ACOT7: variants seen among roughly 807,000 people sequenced by gnomAD.
ACOT7 encodes cytosolic acyl coenzyme A thioester hydrolase.
ACOT7 carries 12 observed loss-of-function variants against 40.2 expected under a neutral mutation model. The ratio of observed to expected loss-of-function variants is 0.30; its 90% CI spans 0.19 to 0.48. ACOT7 has a LOEUF of 0.48. ACOT7 is among the 20% of genes least tolerant of loss of function. The pLI, the probability that ACOT7 is intolerant of heterozygous loss-of-function variation, is 0.99. For synonymous variants in ACOT7, 228 were observed against 219.5 expected (o/e 1.04, Z -0.34); for missense variants, 395 against 530.8 (o/e 0.74, Z 2.51).
At position 6,349,675 on chromosome 1, in the gene ACOT7, C is replaced by T. The variant is rs533641045; in HGVS notation, c.261+74G>A. On this transcript the variant is annotated intron_variant, in intron 2 of 8. Transcript: ENST00000361521. ...GGAGGGAAGGCTGCAGGCCTGGCTC[C>T]CCGGGGAACTCCTGTCCTGAACTCA... The T allele has an allele frequency of 4.2e-6, 6 of 1,439,184 alleles. No homozygotes were observed. The Admixed American group carries it at 5.9e-5, about 14-fold the overall frequency. 89.2% of individuals were successfully genotyped at this position (1,439,184 alleles called of 1,614,324 possible).
chr1:6,298,068 C>T (rs927652632), intron 6 of ACOT7, among the ~76,000 whole-genome samples: 3 of 152,192 alleles, frequency 2.0e-5, no homozygotes, highest in Admixed American at 6.5e-5. Flanking sequence ...GCTGCACTTT[C>T]GCCTGTCCTT....
At chr1:6,305,440 C>G (rs889754774) in intron 6 of ACOT7, among the ~76,000 whole-genome samples, 37 of 151,476 alleles carry the variant, frequency 2.4e-4, no homozygotes, top group African/African-American at 9.0e-4. Context: ...GACGGGGTGG[C>G]TGCCGGGTGG....
chr1:6,354,590 G>A lies in ACOT7; in HGVS notation c.144-4724C>T, dbSNP rs541272791. Among the ~76,000 whole-genome samples, 54 of 152,186 alleles carry A rather than the reference G, an allele frequency of 3.5e-4. No individual in the cohort carries two copies. The South Asian group carries it at 5.6e-3, about 16-fold the overall frequency. On this transcript the variant is annotated intron_variant, in intron 1 of 8. Coordinates refer to ENST00000361521, the MANE Select transcript of ACOT7 (RefSeq NM_007274.4). ...ACCACACAATCAGACACTGTTTGGG[G>A]AGGTCACCTCCCATGGCCTCTGCAC...
intron 1 of ACOT7, chr1:6,385,833 C>G (rs960060839): frequency 3.5e-6 from 5 of 1,411,442 alleles, no homozygotes; most frequent in African/African-American, 1.5e-5. Flanking sequence ...CACCAGCCCC[C>G]GGCAAGCCGC....
At chr1:6,315,517 C>CGAGGCGGGCAGATCACG (rs1640464644) in intron 6 of ACOT7, among the ~76,000 whole-genome samples, 2 of 151,772 alleles carry the variant, frequency 1.3e-5, no homozygotes. Flanking sequence ...TTTGGGAGGC[C>CGAGGCGGGCAGATCACG]GAGGCGGGCA....
At chr1:6,292,888 TC>T (rs1334593011) in intron 7 of ACOT7, among the ~76,000 whole-genome samples, 15 of 146,618 alleles carry the variant, frequency 1.0e-4, no homozygotes, top group Non-Finnish European at 1.5e-4. Context: ...TATTTCTTTT[TC>T]TTTTTTTTTT....
chr1:6,358,423 C>G lies in ACOT7; in HGVS notation c.144-8557G>C, dbSNP rs1269275077. 1.3e-5 allele frequency among the ~76,000 whole-genome samples: 2 copies of G among 152,224 alleles called. No homozygotes were observed. Among genetic ancestry groups the G allele is most frequent in the African/African-American group, 2.4e-5 (1 of 41,458 alleles). On this transcript the variant is annotated intron_variant, in intron 1 of 8. Transcript: ENST00000361521. This position sits in a 1 kb window ranked among gnomAD's most constrained non-coding sequence, Gnocchi z 4.1. Reference sequence around the variant, plus strand: ...TCCTTGTGCAGCCCACAGACCCCCCCTCCACCGCAGGTAGGAAGCTCAGCA... The same window carrying G: ...TCCTTGTGCAGCCCACAGACCCCCCGTCCACCGCAGGTAGGAAGCTCAGCA...
chr1:6,280,322 G>A (rs986970617), intron 8 of ACOT7, among the ~76,000 whole-genome samples: 1 of 152,228 alleles, frequency 6.6e-6, no homozygotes, highest in African/African-American at 2.4e-5. Context: ...AGCCCCTGGG[G>A]TCAGCCAGGA....
At chr1:6,392,387 A>G (rs2148486589) in intron 1 of ACOT7, among the ~76,000 whole-genome samples, 1 of 152,312 alleles carries the variant, frequency 6.6e-6, no homozygotes, top group Admixed American at 6.5e-5. Flanking sequence ...TAGCTCATGC[A>G]CAAATGCCAG....
chr1:6,304,612 C>T (rs1640071282), intron 6 of ACOT7, among the ~76,000 whole-genome samples: 2 of 134,652 alleles, frequency 1.5e-5, no homozygotes, highest in Admixed American at 1.5e-4. Flanking sequence ...GAGCATGCTG[C>T]CTTCAAGCAT....
At chr1:6,360,550 C>A (rs1270613606) in intron 1 of ACOT7, 1 of 1,613,866 alleles carries the variant, frequency 6.2e-7, no homozygotes, top group African/African-American at 1.3e-5. Context: ...GCCCATAGTT[C>A]CTCTCAGCTC....
Position 6,294,980 on chromosome 1 carries a change from C to T in ACOT7, c.713G>A (p.Gly238Asp), listed in dbSNP as rs1425315420. The T allele has an allele frequency of 4.3e-6, 7 of 1,610,480 alleles. No individual in the cohort carries two copies. The highest frequency in any genetic ancestry group is 1.1e-5 in the South Asian group (1 of 91,014). Residue 238 changes from glycine (G) to aspartate (D), a missense_variant and splice_region_variant, in exon 7 of 9, where the codon GGT becomes GAT. This residue lies in a region of ACOT7 where 309 missense variants were observed against 470.3 expected (regional missense o/e 0.66). Transcript: ENST00000361521. The surrounding 1 kb of genome is among the most constrained non-coding windows in gnomAD (Gnocchi z 4.6). Reference protein sequence around the residue: ...DCTLHGFVHGGVTMKLMDEVA... With the variant: ...DCTLHGFVHGDVTMKLMDEVA... ...CTCATCCATGAGCTTCATGGTCACA[C>T]CTGCGGAGAAAGGGACATGCGGCAG... is the stretch of plus-strand genomic sequence containing the variant.
In ACOT7 at chr1:6,289,654, G is replaced by A. The variant is rs183464734; in HGVS notation, c.829+5210C>T. The stretch of plus-strand genomic sequence containing the variant: ...CTCACAAAGTGTTGGAATTACAAGC[G>A]TGAGCCACTGTGACCAGCCTGCTTT... On this transcript the variant is annotated intron_variant, in intron 7 of 8. Transcript: ENST00000361521. The surrounding 1 kb of genome is among the most constrained non-coding windows in gnomAD (Gnocchi z 4.6). Among the ~76,000 whole-genome samples, 5 of 152,156 alleles carry A rather than the reference G, an allele frequency of 3.3e-5. No homozygotes were observed. Among genetic ancestry groups the A allele is most frequent in the East Asian group, 1.9e-4 (1 of 5,174 alleles).
intron 1 of ACOT7, among the ~76,000 whole-genome samples, chr1:6,354,510 C>T (rs539534927): frequency 3.7e-4 from 57 of 152,356 alleles, no homozygotes; most frequent in Non-Finnish European, 4.1e-4. Flanking sequence ...AGGGCTGAGA[C>T]AAAGTCTGGA....
rs1642566648 is a variant in ACOT7 at position 6,393,318 on chromosome 1, C to T, written c.82G>A (p.Ala28Thr). ...ALLQPPAASA[A>T]AAPSMSGPDV... ...GGGCCCGACATGCTGGGGGCTGCGG[C>T]GGCGGATGCGGCGGGCGGCTGCAGA... is the stretch of plus-strand genomic sequence containing the variant. The change falls in exon 1 of 9, where the codon GCC (alanine) becomes ACC (threonine). Residue 28 changes from alanine to threonine, a missense_variant. Coordinates refer to ENST00000361521, the MANE Select transcript of ACOT7 (RefSeq NM_007274.4). The T allele has an allele frequency of 7.9e-7, 1 of 1,273,100 alleles. No homozygotes were observed. 78.9% of individuals were successfully genotyped at this position (1,273,100 alleles called of 1,614,324 possible).
intron 6 of ACOT7, among the ~76,000 whole-genome samples, chr1:6,313,771 G>A (rs1640408210): frequency 6.6e-6 from 1 of 151,906 alleles, no homozygotes; most frequent in African/African-American, 2.4e-5. Flanking sequence ...CCACGGGGCT[G>A]CCTATCGGCT....
In ACOT7 at chr1:6,349,487, G is replaced by A. The variant is rs112010575; in HGVS notation, c.261+262C>T. Among the ~76,000 whole-genome samples the A allele has an allele frequency of 3.7e-3, 561 of 152,390 alleles. 4 individuals are homozygous for A. The highest frequency in any genetic ancestry group is 0.013 in the African/African-American group (542 of 41,608). On this transcript the variant is annotated intron_variant, in intron 2 of 8. Transcript: ENST00000361521. ...CCAGGTTGGCGGGGGACTCGGCATG[G>A]CGGGGAGTGGTGGAGGGAGGGCCTG...
intron 7 of ACOT7, among the ~76,000 whole-genome samples, chr1:6,286,809 C>T (rs1639516330): frequency 6.6e-6 from 1 of 152,216 alleles, no homozygotes; most frequent in Non-Finnish European, 1.5e-5. Flanking sequence ...TGAGGCTATA[C>T]TGATGTCAAC....
chr1:6,316,240 A>G (rs948764309), intron 6 of ACOT7, among the ~76,000 whole-genome samples: 1 of 152,098 alleles, frequency 6.6e-6, no homozygotes, highest in Non-Finnish European at 1.5e-5. Flanking sequence ...CGGAAGAGGG[A>G]GCTGAGCCCA....
Sources: gnomAD v4.1 joint callset for allele counts (sites outside exome capture counted in the v4.1 genomes callset) on GRCh38, gnomAD v4.1.1 for gene constraint, gnomAD v4.1.1 regional missense constraint, Gnocchi (gnomAD v3.1) non-coding constraint, MANE v1.5 for transcripts, NCBI Gene and HGNC (gene_info 2026-07-23, HGNC 2026-07-21) for gene names.